The following PTPRD variants were observed in gnomAD, a reference collection of about 807,000 sequenced individuals.
PTPRD encodes receptor-type tyrosine-protein phosphatase delta.
A neutral mutation model predicts 214.5 loss-of-function variants in PTPRD; 34 were observed. The observed-to-expected ratio is 0.16, with a 90% CI of 0.12 to 0.21. PTPRD has a LOEUF of 0.21. Among genes scored for constraint, PTPRD ranks in the 10% least tolerant of loss-of-function variants. The probability of loss-of-function intolerance (pLI) is 1.00; values close to 1 mark genes in which losing one functional copy is unlikely to be tolerated. For synonymous variants in PTPRD, 1,128 were observed against 845.7 expected (o/e 1.33, Z -5.79); for missense variants, 2,545 against 2,398.7 (o/e 1.06, Z -1.27).
chr9:9,415,916 G>A (rs1033185158), intron 8 of PTPRD, among the ~76,000 whole-genome samples: 14 of 152,254 alleles, frequency 9.2e-5, no homozygotes, highest in East Asian at 3.9e-4. Flanking sequence ...GAGCATCATT[G>A]AAGTCCCAGA....
intron 2 of PTPRD, among the ~76,000 whole-genome samples, chr9:10,412,450 G>A (rs1048074291): frequency 6.6e-6 from 1 of 151,572 alleles, no homozygotes; most frequent in Non-Finnish European, 1.5e-5. Flanking sequence ...AAAAAGCTTA[G>A]GACCAGATGT....
In PTPRD at chr9:9,696,763, C is replaced by A. The variant is rs868782120; in HGVS notation, c.-287+37770G>T. ...TTGTTTCTTTATTCGTTCAGACACT[C>A]TTTGCCATTTAATGGAATAATTTAG... On this transcript the variant is annotated intron_variant, in intron 7 of 45. Transcript: ENST00000381196. Among the ~76,000 whole-genome samples, 7 of 152,150 alleles carry A rather than the reference C, an allele frequency of 4.6e-5. No individual in the cohort carries two copies. In the Middle Eastern group the frequency reaches 0.014, roughly 296 times the overall value.
chr9:9,637,841 C>T (rs148913327), intron 7 of PTPRD, among the ~76,000 whole-genome samples: 96 of 152,302 alleles, frequency 6.3e-4, no homozygotes, highest in African/African-American at 2.0e-3. Context: ...CAGTAGGTCT[C>T]GACCTGGCAC....
intron 10 of PTPRD, among the ~76,000 whole-genome samples, chr9:9,154,798 T>C (rs2099879818): frequency 6.6e-6 from 1 of 152,108 alleles, no homozygotes; most frequent in African/African-American, 2.4e-5. Flanking sequence ...AAAACCACTT[T>C]TTGTTTATGT....
intron 3 of PTPRD, among the ~76,000 whole-genome samples, chr9:10,171,842 G>T (rs1441264588): frequency 6.6e-6 from 1 of 152,032 alleles, no homozygotes; most frequent in African/African-American, 2.4e-5. Flanking sequence ...TTTATTAGCA[G>T]TGTGAAAATG....
intron 5 of PTPRD, among the ~76,000 whole-genome samples, chr9:9,860,913 C>T (rs921162393): frequency 6.6e-6 from 1 of 152,122 alleles, no homozygotes; most frequent in Non-Finnish European, 1.5e-5. Context: ...AATCTGAAAA[C>T]TGGCAACTCT....
At chr9:9,547,942 A>T (rs569913498) in intron 8 of PTPRD, among the ~76,000 whole-genome samples, 1 of 152,038 alleles carries the variant, frequency 6.6e-6, no homozygotes, top group Non-Finnish European at 1.5e-5. Context: ...CAATGATAGG[A>T]ATTTTTTCTG....
At chr9:10,004,653 C>T (rs931141145) in intron 4 of PTPRD, among the ~76,000 whole-genome samples, 3 of 152,000 alleles carry the variant, frequency 2.0e-5, no homozygotes, top group Non-Finnish European at 2.9e-5. Context: ...CACACACACA[C>T]AGTGTAAACA....
intron 5 of PTPRD, among the ~76,000 whole-genome samples, chr9:9,914,035 G>A (rs2079976432): frequency 6.6e-6 from 1 of 152,162 alleles, no homozygotes; most frequent in South Asian, 2.1e-4. Context: ...GTCCTGTACA[G>A]TACAGAAACC....
At chr9:9,499,381 T>C (rs1403029915) in intron 8 of PTPRD, among the ~76,000 whole-genome samples, 2 of 152,212 alleles carry the variant, frequency 1.3e-5, no homozygotes, top group African/African-American at 2.4e-5. Context: ...CACCACTCTG[T>C]ATTTTCTTAT....
At chr9:9,829,921 T>C (rs555823529) in intron 5 of PTPRD, among the ~76,000 whole-genome samples, 44 of 151,920 alleles carry the variant, frequency 2.9e-4, no homozygotes, top group African/African-American at 1.0e-3. Flanking sequence ...ATAGAACTCA[T>C]ATTCATTTAA....
chr9:9,083,361 T>G (rs536118905), intron 10 of PTPRD, among the ~76,000 whole-genome samples: 1 of 152,222 alleles, frequency 6.6e-6, no homozygotes, highest in South Asian at 2.1e-4. Context: ...TGCAGAAAAC[T>G]GAAACTGGAC....
rs983155779 is a variant in PTPRD at position 10,612,988 on chromosome 9, G to T, written c.-1008C>A. Among the ~76,000 whole-genome samples the T allele has an allele frequency of 6.6e-6, 1 of 151,344 alleles. No homozygotes were observed. Among genetic ancestry groups the T allele is most frequent in the African/African-American group, 2.4e-5 (1 of 41,342 alleles). On this transcript the variant is annotated 5_prime_UTR_variant, in exon 1 of 46. Transcript: ENST00000381196. ...GCTCGCTCGCTGGCGCTCCCTCCTCGTCTCGCTCGCACTCACAGGCACACA... is the reference window on the plus strand; with the variant it reads ...GCTCGCTCGCTGGCGCTCCCTCCTCTTCTCGCTCGCACTCACAGGCACACA...
intron 5 of PTPRD, among the ~76,000 whole-genome samples, chr9:9,926,070 T>G (rs1472400176): frequency 6.6e-6 from 1 of 152,038 alleles, no homozygotes; most frequent in East Asian, 1.9e-4. Context: ...GCTCAAGCGA[T>G]CCTCCTGCTT....
At chr9:8,837,874 T>C (rs1408060083) in intron 11 of PTPRD, among the ~76,000 whole-genome samples, 1 of 152,012 alleles carries the variant, frequency 6.6e-6, no homozygotes, top group Non-Finnish European at 1.5e-5. Flanking sequence ...GCCTGTTTTA[T>C]AAGAGAAAAG....
chr9:9,562,673 T>G (rs927943585), intron 8 of PTPRD, among the ~76,000 whole-genome samples: 1 of 152,178 alleles, frequency 6.6e-6, no homozygotes, highest in Non-Finnish European at 1.5e-5. Context: ...GGTATCTATA[T>G]GGCTAACACC....
At chr9:10,256,411 T>TTTA (rs2093284085) in intron 3 of PTPRD, among the ~76,000 whole-genome samples, 2 of 150,532 alleles carry the variant, frequency 1.3e-5, no homozygotes, top group South Asian at 4.4e-4. Context: ...TTTTTTTTAA[T>TTTA]AAGTAGGAGT....
chr9:10,549,997 C>G (rs1171370266), intron 2 of PTPRD, among the ~76,000 whole-genome samples: 7 of 152,110 alleles, frequency 4.6e-5, no homozygotes, highest in African/African-American at 9.7e-5. Flanking sequence ...TTTCACCCCT[C>G]TGGCAGGATT....
intron 10 of PTPRD, among the ~76,000 whole-genome samples, chr9:9,096,789 T>C (rs1437734549): frequency 6.6e-6 from 1 of 152,120 alleles, no homozygotes; most frequent in Non-Finnish European, 1.5e-5. Flanking sequence ...GTAAATGAGG[T>C]TTATATAATG....
Sources: allele counts gnomAD v4.1 joint callset (sites outside exome capture counted in the v4.1 genomes callset), GRCh38; gene constraint gnomAD v4.1.1; transcripts MANE v1.5; gene names NCBI Gene and HGNC (gene_info 2026-07-23, HGNC 2026-07-21).